ZNF891: variants seen among roughly 807,000 people sequenced by gnomAD.
ZNF891 encodes hCG1646157.
For missense variants in ZNF891, 589 were observed against 632.7 expected, an observed-to-expected ratio of 0.93 and a Z score of 0.74; for synonymous variants, 199 against 209.0, an observed-to-expected ratio of 0.95 and a Z score of 0.41.
At chr12:133,124,765 G>A (rs1373316313) in intron 1 of ZNF891, among the ~76,000 whole-genome samples, 1 of 145,542 alleles carries the variant, frequency 6.9e-6, no homozygotes, top group East Asian at 2.1e-4. Context: ...ATTGCTCTCA[G>A]TCTTTAGCAT....
Position 133,120,804 on chromosome 12 carries a change from C to A in ZNF891, c.1115G>T (p.Gly372Val), listed in dbSNP as rs1433545996. Residue 372 changes from glycine to valine, a missense_variant, in exon 2 of 2, where the codon GGA becomes GTA. Coordinates refer to ENST00000537226, the MANE Select transcript of ZNF891 (RefSeq NM_001277291.2). ...TTGATTACATTCATAGGGTTTCTCT[C>A]CAGTGTGAGTTCTTACATGTCTCCT... ...TLRRHVRTHT[G>V]EKPYECNQCG... 5 of 1,569,428 alleles carry A rather than the reference C, an allele frequency of 3.2e-6. No individual in the cohort carries two copies. Among genetic ancestry groups the A allele is most frequent in the Non-Finnish European group, 4.3e-6 (5 of 1,158,394 alleles).
At position 133,120,404 on chromosome 12, in the gene ZNF891, C is replaced by G. The variant is rs1010186609; in HGVS notation, c.1515G>C (p.Arg505Ser). ...TCTCTCCAGTGTGAATTCTCACATGCCTCCTAAGGGAAGAGGAAACACTGA... is the reference window on the plus strand; with the variant it reads ...TCTCTCCAGTGTGAATTCTCACATGGCTCCTAAGGGAAGAGGAAACACTGA... ...KAFSVSSSLRRHVRIHTGEKP... is the reference protein window; with the variant it reads ...KAFSVSSSLRSHVRIHTGEKP... The change falls in exon 2 of 2, where the codon AGG (arginine) becomes AGC (serine). Residue 505 changes from arginine (R) to serine (S), a missense_variant. Arg to Ser is a moderately radical substitution (Grantham distance 110, BLOSUM62 -1). Transcript: ENST00000537226. 4.4e-6 allele frequency: 7 copies of G among 1,596,898 alleles called. No homozygotes were observed. The highest frequency in any genetic ancestry group is 6.0e-6 in the Non-Finnish European group (7 of 1,172,588).
At position 133,106,027 on chromosome 12, in the gene ZNF891, T is replaced by C. The variant is rs759930601; in HGVS notation, c.*14257A>G. The stretch of plus-strand genomic sequence containing the variant: ...AGAAACCTTATGAATGTACTGAGTG[T>C]GGAAAGGCCTTTAGCCGTGCCTCCA... On this transcript the variant is annotated 3_prime_UTR_variant, in exon 2 of 2. Transcript: ENST00000537226. 109 of 1,614,160 alleles carry C rather than the reference T, an allele frequency of 6.8e-5. No homozygotes were observed. Among genetic ancestry groups the C allele is most frequent in the Non-Finnish European group, 9.1e-5 (107 of 1,180,038 alleles).
chr12:133,125,979 T>C (rs1278268161), intron 1 of ZNF891: 4 of 403,582 alleles, frequency 9.9e-6, no homozygotes, highest in South Asian at 6.2e-5. Flanking sequence ...TAATTCTAAA[T>C]ATGTACATCT....
Position 133,109,716 on chromosome 12 carries a change from G to T in ZNF891, c.*10568C>A, listed in dbSNP as rs1338632412. On this transcript the variant is annotated 3_prime_UTR_variant, in exon 2 of 2. Coordinates refer to ENST00000537226, the MANE Select transcript of ZNF891 (RefSeq NM_001277291.2). ...TATGCTAAAAGAAATAATTTTTCAG[G>T]CAGTATGAAATGATCTTAGAAACTT... The T allele has an allele frequency of 6.6e-6, 1 of 152,096 alleles. No individual in the cohort carries two copies. The highest frequency in any genetic ancestry group is 1.5e-5 in the Non-Finnish European group (1 of 68,028). The allele number at this position is 152,096 out of a possible 1,614,324, so 9.4% of individuals were successfully genotyped here.
At chr12:133,124,100 A>G (rs1413027820) in intron 1 of ZNF891, among the ~76,000 whole-genome samples, 1 of 152,274 alleles carries the variant, frequency 6.6e-6, no homozygotes, top group Non-Finnish European at 1.5e-5. Context: ...TTCAAAATAC[A>G]TTATAAATCT....
In ZNF891 at chr12:133,105,386, C is replaced by CT; in HGVS notation, c.*14897dup. The CT allele has an allele frequency of 1.0e-6, 1 of 965,378 alleles. No homozygotes were observed. Among genetic ancestry groups the CT allele is most frequent in the Non-Finnish European group, 1.5e-6 (1 of 666,970 alleles). The allele number at this position is 965,378 out of a possible 1,614,324, so 59.8% of individuals were successfully genotyped here. On this transcript the variant is annotated 3_prime_UTR_variant, in exon 2 of 2. Coordinates refer to ENST00000537226, the MANE Select transcript of ZNF891 (RefSeq NM_001277291.2). Reference sequence around the variant, plus strand: ...CATACTACTCAGATTTCAGTCACAGCTGTGAAAGCTGCTATTGATAAGATT... The same window carrying CT: ...CATACTACTCAGATTTCAGTCACAGCTTGTGAAAGCTGCTATTGATAAGATT...
chr12:133,106,491 G>T lies in ZNF891; in HGVS notation c.*13793C>A, dbSNP rs778373091. The T allele has an allele frequency of 1.2e-6, 2 of 1,613,776 alleles. No individual in the cohort carries two copies. The highest frequency in any genetic ancestry group is 1.7e-5 in the Admixed American group (1 of 59,990). On this transcript the variant is annotated 3_prime_UTR_variant, in exon 2 of 2. Transcript: ENST00000537226. ...AGCTTTTCCCTCATTCTACATCAGA[G>T]AACTCATACTGGAGAGAAACCCTAT...
Position 133,121,853 on chromosome 12 carries a change from C to T in ZNF891, c.66G>A (p.Leu22=). 6.5e-7 allele frequency: 1 copy of T among 1,536,522 alleles called. No homozygotes were observed. The highest frequency in any genetic ancestry group is 8.7e-7 in the Non-Finnish European group (1 of 1,146,992). ...TCATCCTTTCCTCTTCAGCATTTCTCAGATGGAAACAGGCAGAGTCCTGTT... is the reference window on the plus strand; with the variant it reads ...TCATCCTTTCCTCTTCAGCATTTCTTAGATGGAAACAGGCAGAGTCCTGTT... ...LTKQDSACFH[L]RNAEEERMIA... Residue 22 remains leucine, a synonymous_variant, in exon 2 of 2, where the codon CTG becomes CTA. Transcript: ENST00000537226.
intron 1 of ZNF891, chr12:133,125,601 G>C (rs536786257): frequency 4.4e-6 from 1 of 227,214 alleles, no homozygotes; most frequent in Admixed American, 5.2e-5. Flanking sequence ...AAGAAGATCC[G>C]CATGTCACCC....
At chr12:133,129,991 C>A (rs980035218) in intron 1 of ZNF891, among the ~76,000 whole-genome samples, 1 of 152,256 alleles carries the variant, frequency 6.6e-6, no homozygotes, top group South Asian at 2.1e-4. Flanking sequence ...CCGCAGCCAG[C>A]CCGGGACCCC....
chr12:133,129,791 A>G (rs1955857000), intron 1 of ZNF891, among the ~76,000 whole-genome samples: 1 of 152,234 alleles, frequency 6.6e-6, no homozygotes, highest in Non-Finnish European at 1.5e-5. Flanking sequence ...AAGAAATAAA[A>G]CCATATCGCA....
chr12:133,121,961 GA>G lies in ZNF891; in HGVS notation c.-44del. On this transcript the variant is annotated 5_prime_UTR_variant, in exon 2 of 2. It removes the in-frame stop codon of an upstream open reading frame in the 5' UTR. Coordinates refer to ENST00000537226, the MANE Select transcript of ZNF891 (RefSeq NM_001277291.2). ...CTGCACAGTAGAGTAGAGAGATCAG[GA>G]TGTTTCTGTTCTTGTGTCTCCAATC... The G allele has an allele frequency of 6.8e-7, 1 of 1,466,092 alleles. No individual in the cohort carries two copies. 90.8% of individuals were successfully genotyped at this position (1,466,092 alleles called of 1,614,324 possible). A position where few individuals can be genotyped will look rare whatever the true frequency, so the allele number is the denominator to read the frequency against.
Position 133,121,345 on chromosome 12 carries a change from G to A in ZNF891, c.574C>T (p.His192Tyr). 1 of 1,536,004 alleles carries A rather than the reference G, an allele frequency of 6.5e-7. No homozygotes were observed. Residue 192 changes from histidine (H) to tyrosine (Y), a missense_variant, in exon 2 of 2, where the codon CAT (histidine) becomes TAT (tyrosine). Coordinates refer to ENST00000537226, the MANE Select transcript of ZNF891 (RefSeq NM_001277291.2). ...TVPQELFRDYHELEENSKLGS... is the reference protein window; with the variant it reads ...TVPQELFRDYYELEENSKLGS... ...AGTTTAGAGTTTTCCTCTAATTCATGATAGTCACGGAATAGCTCCTGAGGT... is the reference window on the plus strand; with the variant it reads ...AGTTTAGAGTTTTCCTCTAATTCATAATAGTCACGGAATAGCTCCTGAGGT...
chr12:133,125,538 G>C (rs11147242), intron 1 of ZNF891: 8,073 of 180,424 alleles, frequency 0.045, 249 homozygotes, highest in Non-Finnish European at 0.064. Flanking sequence ...CCAAAGCAAA[G>C]GCTTTGAAGG....
At chr12:133,130,153 G>A (rs1197702935) in intron 1 of ZNF891, 74 bp downstream of exon 1, 7 of 152,412 alleles carry the variant, frequency 4.6e-5, no homozygotes, top group African/African-American at 1.7e-4. Context: ...CTGCACGCAG[G>A]AGAACTCAGC....
rs1417094455 is a variant in ZNF891, at chr12:133,110,129, CAA to C, written c.*10153_*10154del. Reference sequence around the variant, plus strand: ...TTTATTTACTCTCAGGACCTTCAGACAAAGTTTGTCAACTCTGATATAAATAT... The same window carrying C: ...TTTATTTACTCTCAGGACCTTCAGACAGTTTGTCAACTCTGATATAAATAT... On this transcript the variant is annotated 3_prime_UTR_variant, in exon 2 of 2. Transcript: ENST00000537226. The C allele has an allele frequency of 1.3e-5, 2 of 152,296 alleles. No individual in the cohort carries two copies. Among genetic ancestry groups the C allele is most frequent in the African/African-American group, 4.8e-5 (2 of 41,566 alleles). 9.4% of individuals were successfully genotyped at this position (152,296 alleles called of 1,614,324 possible). A position where few individuals can be genotyped will look rare whatever the true frequency, so the allele number is the denominator to read the frequency against.
At position 133,106,404 on chromosome 12, in the gene ZNF891, C is replaced by T. The variant is rs750446685; in HGVS notation, c.*13880G>A. 87 of 1,613,818 alleles carry T rather than the reference C, an allele frequency of 5.4e-5. No homozygotes were observed. Among genetic ancestry groups the T allele is most frequent in the Middle Eastern group, 1.6e-4 (1 of 6,082 alleles). Reference sequence around the variant, plus strand: ...TGGCATGCATCCCTTATTCAACATACGAAGAGTCACACTGGAGAGAAACCC... The same window carrying T: ...TGGCATGCATCCCTTATTCAACATATGAAGAGTCACACTGGAGAGAAACCC... On this transcript the variant is annotated 3_prime_UTR_variant, in exon 2 of 2. Transcript: ENST00000537226.
In ZNF891 at chr12:133,108,521, G is replaced by A. The variant is rs1471305003; in HGVS notation, c.*11763C>T. 6.6e-6 allele frequency: 1 copy of A among 152,040 alleles called. No individual in the cohort carries two copies. The highest frequency in any genetic ancestry group is 2.1e-4 in the South Asian group (1 of 4,824). The allele number at this position is 152,040 out of a possible 1,614,324, so 9.4% of individuals were successfully genotyped here. A position where few individuals can be genotyped will look rare whatever the true frequency, so the allele number is the denominator to read the frequency against. The stretch of plus-strand genomic sequence containing the variant: ...CATCAAGCTACAGCCCATGGGCCAG[G>A]TATTCATTTACATAGTCTATGGCTC... On this transcript the variant is annotated 3_prime_UTR_variant, in exon 2 of 2. Coordinates refer to ENST00000537226, the MANE Select transcript of ZNF891 (RefSeq NM_001277291.2).
Sources: gnomAD v4.1 joint callset for allele counts (sites outside exome capture counted in the v4.1 genomes callset) on GRCh38, gnomAD v4.1.1 for gene constraint, MANE v1.5 for transcripts, NCBI Gene and HGNC (gene_info 2026-07-23, HGNC 2026-07-21) for gene names.